The following DENND4C variants were observed in gnomAD, a reference collection of about 807,000 sequenced individuals.
DENND4C encodes DENN domain-containing protein 4C.
DENND4C carries 108 observed loss-of-function variants against 203.0 expected under a neutral mutation model. The ratio of observed to expected loss-of-function variants is 0.53; its 90% confidence interval spans 0.46 to 0.62. The LOEUF (loss-of-function observed/expected upper bound fraction) is 0.62, where lower values mean the gene tolerates loss of function less well. Ranked by LOEUF, DENND4C falls within the 20% of genes least tolerant of loss-of-function variation. DENND4C has a pLI of 0.00. For synonymous variants in DENND4C, 871 were observed against 792.4 expected (o/e 1.10, Z -1.67); for missense variants, 2,481 against 2,301.2 (o/e 1.08, Z -1.60).
intron 9 of DENND4C, among the ~76,000 whole-genome samples, chr9:19,304,113 G>C (rs1563782459): frequency 7.6e-6 from 1 of 132,130 alleles, no homozygotes; most frequent in African/African-American, 2.7e-5. Context: ...AATGGGTAAA[G>C]ATTCTTGAGG....
chr9:19,287,298 T>A (rs949102300), intron 3 of DENND4C, among the ~76,000 whole-genome samples: 2 of 152,240 alleles, frequency 1.3e-5, no homozygotes, highest in African/African-American at 4.8e-5. Flanking sequence ...ATTTCAGTGG[T>A]GTCTTCAGGG....
chr9:19,267,994 T>TTTCC (rs898334637), intron 1 of DENND4C, among the ~76,000 whole-genome samples: 1 of 152,126 alleles, frequency 6.6e-6, no homozygotes, highest in African/African-American at 2.4e-5. Flanking sequence ...CTGGTCTTCT[T>TTTCC]TTCCTTCCTT....
intron 1 of DENND4C, among the ~76,000 whole-genome samples, chr9:19,236,622 G>A (rs1018439269): frequency 5.9e-5 from 9 of 152,148 alleles, no homozygotes; most frequent in Admixed American, 2.0e-4. Flanking sequence ...GAGTGAGACC[G>A]CAGGTTCATC....
intron 26 of DENND4C, among the ~76,000 whole-genome samples, chr9:19,354,265 A>G (rs1289543220): frequency 6.6e-6 from 1 of 152,180 alleles, no homozygotes; most frequent in Non-Finnish European, 1.5e-5. Context: ...ACACCACGGT[A>G]GTAATGCAGT....
At chr9:19,317,827 A>G (rs938597639) in intron 12 of DENND4C, among the ~76,000 whole-genome samples, 1 of 152,218 alleles carries the variant, frequency 6.6e-6, no homozygotes, top group African/African-American at 2.4e-5. Flanking sequence ...AAAAAAAGGG[A>G]TGTTCTTCCA....
chr9:19,325,900 T>C (rs1370674276), intron 13 of DENND4C, 39 bp from the exon 14 acceptor site: 1 of 1,570,064 alleles, frequency 6.4e-7, no homozygotes, highest in East Asian at 2.2e-5. Context: ...AAATTCATAG[T>C]GGACATTTTC....
At chr9:19,285,434 C>G (rs1437838380) in intron 2 of DENND4C, among the ~76,000 whole-genome samples, 1 of 152,116 alleles carries the variant, frequency 6.6e-6, no homozygotes, top group African/African-American at 2.4e-5. Context: ...TAAAAAGAAA[C>G]CCCATACCCA....
intron 24 of DENND4C, among the ~76,000 whole-genome samples, chr9:19,351,786 A>G (rs534220444): frequency 3.3e-5 from 5 of 151,630 alleles, no homozygotes; most frequent in African/African-American, 4.8e-5. Flanking sequence ...TAGCCTGGGC[A>G]ACAGAGCGAG....
At chr9:19,318,961 G>T (rs1022021898) in intron 12 of DENND4C, among the ~76,000 whole-genome samples, 1 of 152,048 alleles carries the variant, frequency 6.6e-6, no homozygotes, top group African/African-American at 2.4e-5. Flanking sequence ...CTGAGGTCAG[G>T]AGTTTGAGAC....
chr9:19,271,497 T>A (rs1452341017), intron 1 of DENND4C, among the ~76,000 whole-genome samples: 1 of 152,176 alleles, frequency 6.6e-6, no homozygotes, highest in African/African-American at 2.4e-5. Flanking sequence ...CTACCGCCTC[T>A]GGCCAGTAAG....
At chr9:19,329,135 G>A (rs550032560) in intron 16 of DENND4C, among the ~76,000 whole-genome samples, 1 of 152,232 alleles carries the variant, frequency 6.6e-6, no homozygotes, top group Non-Finnish European at 1.5e-5. Context: ...TATATTTACA[G>A]GTTTGTGCAA....
At chr9:19,245,433 C>G (rs553806010) in intron 1 of DENND4C, among the ~76,000 whole-genome samples, 1 of 149,022 alleles carries the variant, frequency 6.7e-6, no homozygotes, top group South Asian at 2.1e-4. Flanking sequence ...CGCTACTGCA[C>G]TCCTGCCTGG....
intron 4 of DENND4C, among the ~76,000 whole-genome samples, chr9:19,289,208 A>G (rs1469593770): frequency 6.6e-6 from 1 of 152,214 alleles, no homozygotes; most frequent in Non-Finnish European, 1.5e-5. Context: ...TTCTTACTGC[A>G]CATTAAAGTG....
In DENND4C at chr9:19,356,996, T is replaced by A; in HGVS notation, c.4806T>A (p.Ser1602=). 1 of 1,613,962 alleles carries A rather than the reference T, an allele frequency of 6.2e-7. No homozygotes were observed. Among genetic ancestry groups the A allele is most frequent in the Non-Finnish European group, 8.5e-7 (1 of 1,179,864 alleles). ...SASFFLKPST[S]GDSLQSGSIP... is the part of the protein sequence containing the mutation. ...GCTTTTTCCTGAAACCAAGTACCTC[T>A]GGTGACAGTTTACAAAGTGGAAGCA... The change falls in exon 27 of 33, where the codon TCT becomes TCA. Residue 1602 remains serine, a synonymous_variant. Coordinates refer to ENST00000434457, the MANE Select transcript of DENND4C (RefSeq NM_001330640.2).
rs554849984 is a variant in DENND4C at position 19,313,150 on chromosome 9, G to A, written c.1488-3267G>A. 3.3e-5 allele frequency among the ~76,000 whole-genome samples: 5 copies of A among 151,936 alleles called. No individual in the cohort carries two copies. The South Asian group carries it at 1.0e-3, about 32-fold the overall frequency. ...TGTGTGTCTATAATTTCATATTTAT[G>A]TTCCTTTAATGATTCCTCTTAATTT... On this transcript the variant is annotated intron_variant, in intron 10 of 32. Coordinates refer to ENST00000434457, the MANE Select transcript of DENND4C (RefSeq NM_001330640.2).
chr9:19,350,411 G>A (rs73648907), intron 23 of DENND4C, among the ~76,000 whole-genome samples: 7,734 of 152,132 alleles, frequency 0.051, 627 homozygotes, highest in African/African-American at 0.17. Flanking sequence ...GGAGACAGTG[G>A]GCTCCCTAGA....
chr9:19,346,285 C>G lies in DENND4C; in HGVS notation c.3516C>G (p.His1172Gln). ...CTGAAAGCACTTGGAATCCTGAGCA[C>G]AGATCATCTCCGGTGCCAGAGATGC... The part of the protein sequence containing the change: ...CMSESTWNPE[H>Q]RSSPVPEMLE... The change falls in exon 23 of 33, where the codon CAC (histidine) becomes CAG (glutamine). Residue 1172 changes from histidine (H) to glutamine (Q), a missense_variant. Transcript: ENST00000434457. 1 of 1,614,150 alleles carries G rather than the reference C, an allele frequency of 6.2e-7. No homozygotes were observed. Among genetic ancestry groups the G allele is most frequent in the Non-Finnish European group, 8.5e-7 (1 of 1,180,028 alleles).
Position 19,340,995 on chromosome 9 carries a change from G to A in DENND4C, c.2885G>A (p.Gly962Asp), listed in dbSNP as rs1279301282. The A allele has an allele frequency of 3.1e-6, 5 of 1,599,396 alleles. No individual in the cohort carries two copies. In the Admixed American group the frequency reaches 8.8e-5, roughly 28 times the overall value. The stretch of plus-strand genomic sequence containing the variant: ...AAGTCTGCATTCTTTTTAACAGGTG[G>A]TCAGTCTGACCAAGGATACGGGTCT... ...ESIDNHSSTG[G>D]QSDQGYGSKD... Residue 962 changes from glycine to aspartate, a missense_variant, in exon 21 of 33, where the codon GGT becomes GAT. By Grantham distance (94) the Gly-to-Asp change is moderately conservative. Transcript: ENST00000434457.
At chr9:19,259,968 GTA>G (rs1228968811) in intron 1 of DENND4C, among the ~76,000 whole-genome samples, 1 of 152,064 alleles carries the variant, frequency 6.6e-6, no homozygotes, top group Non-Finnish European at 1.5e-5. Flanking sequence ...TTTCTTTTTG[GTA>G]TATATCTATC....
Sources: allele counts gnomAD v4.1 joint callset (sites outside exome capture counted in the v4.1 genomes callset), GRCh38; gene constraint gnomAD v4.1.1; transcripts MANE v1.5; gene names NCBI Gene and HGNC (gene_info 2026-07-23, HGNC 2026-07-21).